Variants in MYH16 observed in about 807,000 individuals in gnomAD.
The protein encoded by MYH16 is myosin heavy chain 16, also known as putative uncharacterized protein MYH16.
chr7:99,255,325 G>C (rs1404665834), intron 8 of MYH16, among the ~76,000 whole-genome samples: 3 of 152,030 alleles, frequency 2.0e-5, no homozygotes, highest in African/African-American at 4.8e-5. Flanking sequence ...GGTGGTGCCT[G>C]TGGTCTCAGC....
At chr7:99,279,074 C>A (rs1217718568) in intron 21 of MYH16, among the ~76,000 whole-genome samples, 1 of 151,926 alleles carries the variant, frequency 6.6e-6, no homozygotes, top group Admixed American at 6.6e-5. Context: ...ATCTGTAGTC[C>A]CACCTACTCA....
chr7:99,276,586 G>C (rs905419106), intron 20 of MYH16, among the ~76,000 whole-genome samples: 2 of 152,266 alleles, frequency 1.3e-5, no homozygotes, highest in African/African-American at 4.8e-5. Flanking sequence ...TGCGGGTGCA[G>C]AGCACGAGCA....
Position 99,278,603 on chromosome 7 carries a change from G to A in MYH16, n.2659+891G>A, listed in dbSNP as rs117758083. On this transcript the variant is annotated intron_variant and non_coding_transcript_variant, in intron 21 of 41. Transcript: ENST00000439784. Reference sequence around the variant, plus strand: ...AAGACACTCGATTTTCACGTGCATCGTACAGGGTAGAAAACTCAGTTTGGC... The same window carrying A: ...AAGACACTCGATTTTCACGTGCATCATACAGGGTAGAAAACTCAGTTTGGC... Among the ~76,000 whole-genome samples, 7 of 152,200 alleles carry A rather than the reference G, an allele frequency of 4.6e-5. No homozygotes were observed. The East Asian group carries it at 1.2e-3, about 25-fold the overall frequency.
At chr7:99,262,691 C>T (rs979716550) in intron 13 of MYH16, among the ~76,000 whole-genome samples, 16 of 152,186 alleles carry the variant, frequency 1.1e-4, no homozygotes, top group African/African-American at 3.6e-4. Flanking sequence ...TTACCCTTGC[C>T]ATGGGGACCA....
At chr7:99,309,948 T>G (rs1214295070), downstream of MYH16, among the ~76,000 whole-genome samples, 1 of 151,638 alleles carries the variant, frequency 6.6e-6, no homozygotes, top group East Asian at 1.9e-4. Flanking sequence ...CTTGAACCTG[T>G]GAGGCAGAGG....
intron 23 of MYH16, among the ~76,000 whole-genome samples, chr7:99,281,592 A>C (rs1027638699): frequency 6.6e-6 from 1 of 152,128 alleles, no homozygotes; most frequent in African/African-American, 2.4e-5. Context: ...ATTATGAGTT[A>C]GGTTGGGCCC....
At chr7:99,276,500 T>G (rs949482648) in intron 20 of MYH16, among the ~76,000 whole-genome samples, 1 of 152,162 alleles carries the variant, frequency 6.6e-6, no homozygotes, top group Non-Finnish European at 1.5e-5. Flanking sequence ...AGAATACAGG[T>G]GGTAGGACCG....
chr7:99,277,264 C>T (rs1792127424), intron 20 of MYH16, among the ~76,000 whole-genome samples: 2 of 152,154 alleles, frequency 1.3e-5, no homozygotes, highest in South Asian at 4.1e-4. Context: ...ATGCCGAGGA[C>T]ACCTAACTCC....
chr7:99,255,866 G>T (rs1433635782), intron 9 of MYH16, among the ~76,000 whole-genome samples: 1 of 152,264 alleles, frequency 6.6e-6, no homozygotes, highest in East Asian at 1.9e-4. Context: ...GCCCATTTTA[G>T]CAAGCCAAGT....
At chr7:99,297,922 T>A (rs61740647) in exon 36 of MYH16, 15 of 456,660 alleles carry the variant, frequency 3.3e-5, no homozygotes, top group South Asian at 2.3e-4. Flanking sequence ...TCGAATTCAG[T>A]TGGAACTGGC....
chr7:99,292,050 G>T (rs368842743), intron 31 of MYH16, among the ~76,000 whole-genome samples: 1 of 152,152 alleles, frequency 6.6e-6, no homozygotes, highest in Non-Finnish European at 1.5e-5. Context: ...ATTTGATATC[G>T]TAGCAAGTAA....
At chr7:99,283,241 C>T (rs1312189788) in intron 23 of MYH16, among the ~76,000 whole-genome samples, 2 of 152,100 alleles carry the variant, frequency 1.3e-5, no homozygotes, top group Non-Finnish European at 2.9e-5. Context: ...GCACTACAGA[C>T]GTGTGCCACC....
chr7:99,275,098 A>C (rs1223349372), intron 20 of MYH16, among the ~76,000 whole-genome samples: 1 of 152,060 alleles, frequency 6.6e-6, no homozygotes, highest in Non-Finnish European at 1.5e-5. Context: ...GGCTCAAGCG[A>C]TCCTTCCACC....
intron 5 of MYH16, among the ~76,000 whole-genome samples, chr7:99,250,272 A>T (rs1019431716): frequency 6.6e-6 from 1 of 152,120 alleles, no homozygotes; most frequent in Non-Finnish European, 1.5e-5. Context: ...CTCCCCGAGG[A>T]CTTGTTCTGC....
intron 20 of MYH16, among the ~76,000 whole-genome samples, chr7:99,277,117 A>G (rs116817687): frequency 0.016 from 2,451 of 152,164 alleles, 70 homozygotes; most frequent in African/African-American, 0.055. Flanking sequence ...AGGCAGACAG[A>G]GACAGAAACA....
At chr7:99,253,993 A>G (rs1478733421) in intron 8 of MYH16, 5 of 152,304 alleles carry the variant, frequency 3.3e-5, no homozygotes, top group African/African-American at 4.8e-5. Flanking sequence ...TCACGCCTGT[A>G]ACCCCAGGAC....
intron 19 of MYH16, among the ~76,000 whole-genome samples, chr7:99,271,893 C>T (rs1054989807): frequency 1.3e-5 from 2 of 152,102 alleles, no homozygotes; most frequent in Admixed American, 6.5e-5. Context: ...GACAAGGTCT[C>T]CCTATGTTGC....
chr7:99,247,572 C>T, intron 2 of MYH16: 1 of 164,800 alleles, frequency 6.1e-6, no homozygotes. Flanking sequence ...ATCAGCTGAC[C>T]ATCTTCCCTC....
intron 19 of MYH16, 108 bp from the exon 2 acceptor site, chr7:99,273,234 A>T (rs114512868): frequency 1.4e-4 from 59 of 429,294 alleles, no homozygotes; most frequent in African/African-American, 9.5e-4. Context: ...TTGGTGTCTG[A>T]ACAAGGTAGA....
Sources: allele counts gnomAD v4.1 joint callset (sites outside exome capture counted in the v4.1 genomes callset), GRCh38; gene constraint gnomAD v4.1.1; transcripts MANE v1.5; gene names NCBI Gene and HGNC (gene_info 2026-07-23, HGNC 2026-07-21).